SS18L1: variants seen among roughly 807,000 people sequenced by gnomAD.
SS18L1 encodes the protein calcium-responsive transactivator.
SS18L1 carries 32 observed loss-of-function variants against 70.3 expected under a neutral mutation model. That is an observed-to-expected ratio of 0.46 (90% CI 0.34 to 0.61). SS18L1 has a LOEUF of 0.61. SS18L1 is among the 20% of genes least tolerant of loss of function. The pLI is 0.01. For synonymous variants in SS18L1, 237 were observed against 229.7 expected (o/e 1.03, Z -0.29); for missense variants, 430 against 542.1 (o/e 0.79, Z 2.05).
At chr20:62,176,901 C>G (rs2057628903) in intron 10 of SS18L1, among the ~76,000 whole-genome samples, 3 of 152,242 alleles carry the variant, frequency 2.0e-5, no homozygotes, top group Admixed American at 1.3e-4. Flanking sequence ...AGCCTTTAGT[C>G]AGCATCCAGT....
chr20:62,167,979 CTTTTTTTTTTT>C (rs575045754), intron 8 of SS18L1, among the ~76,000 whole-genome samples: 1 of 105,006 alleles, frequency 9.5e-6, no homozygotes, highest in Non-Finnish European at 1.9e-5. Context: ...CCAGGCCTGG[CTTTTTTTTTTT>C]TTTTTTTTTT....
chr20:62,168,333 G>A (rs2057471693), intron 8 of SS18L1, among the ~76,000 whole-genome samples: 1 of 152,186 alleles, frequency 6.6e-6, no homozygotes, highest in African/African-American at 2.4e-5. Flanking sequence ...TACAGCAGGT[G>A]GTACTGTGAA....
In SS18L1 at chr20:62,158,763, T is replaced by C; in HGVS notation, c.146+15T>C. On this transcript the variant is annotated intron_variant, in intron 2 of 10. Transcript: ENST00000331758. This position sits in a 1 kb window ranked among gnomAD's most constrained non-coding sequence, Gnocchi z 4.5. Reference sequence around the variant, plus strand: ...GAGTGCACGCAGTGAGTGCCCGCCATACACCGGAACACTTGGAGGGTGTCA... The same window carrying C: ...GAGTGCACGCAGTGAGTGCCCGCCACACACCGGAACACTTGGAGGGTGTCA... 1.9e-6 allele frequency: 3 copies of C among 1,613,002 alleles called. No homozygotes were observed. Among genetic ancestry groups the C allele is most frequent in the Non-Finnish European group, 2.5e-6 (3 of 1,180,002 alleles).
At chr20:62,154,605 G>A (rs894267443) in intron 1 of SS18L1, 5 of 918,282 alleles carry the variant, frequency 5.4e-6, no homozygotes, top group Non-Finnish European at 6.6e-6. Flanking sequence ...CCGTGAGGTC[G>A]TTGCACCCTG....
At chr20:62,170,411 C>A (rs959133389) in intron 8 of SS18L1, among the ~76,000 whole-genome samples, 1 of 152,216 alleles carries the variant, frequency 6.6e-6, no homozygotes, top group Non-Finnish European at 1.5e-5. Context: ...GAGGCCGAGG[C>A]AGGAGAATGG....
chr20:62,172,971 C>T (rs2057559796), intron 9 of SS18L1, among the ~76,000 whole-genome samples, 170 bp downstream of exon 9: 1 of 152,226 alleles, frequency 6.6e-6, no homozygotes, highest in African/African-American at 2.4e-5. Context: ...CCTGCCCCTG[C>T]CACATGTGGG....
intron 1 of SS18L1, among the ~76,000 whole-genome samples, chr20:62,144,558 C>G (rs968339393): frequency 5.9e-5 from 9 of 152,372 alleles, no homozygotes; most frequent in Admixed American, 5.2e-4. Flanking sequence ...CTCGCGGCTA[C>G]GCCGGGTTTC....
intron 1 of SS18L1, among the ~76,000 whole-genome samples, chr20:62,155,133 T>G (rs2057199761): frequency 6.6e-6 from 1 of 152,142 alleles, no homozygotes; most frequent in Non-Finnish European, 1.5e-5. Flanking sequence ...CCGGGTGCAA[T>G]GGCTCATGCC....
chr20:62,165,160 C>T (rs1008845041), intron 7 of SS18L1, among the ~76,000 whole-genome samples: 6 of 152,230 alleles, frequency 3.9e-5, no homozygotes, highest in Non-Finnish European at 7.3e-5. Context: ...GGCTGTGTGG[C>T]AGGCACTGAA....
chr20:62,172,597 AGTTACCGTG>A, intron 8 of SS18L1, 76 bp from the exon 9 acceptor site: 1 of 1,596,372 alleles, frequency 6.3e-7, no homozygotes, highest in South Asian at 1.1e-5. Flanking sequence ...GGGATTCCAA[AGTTACCGTG>A]TCGTGAGTGG....
At chr20:62,172,413 A>G (rs1394186547) in intron 8 of SS18L1, among the ~76,000 whole-genome samples, 1 of 152,054 alleles carries the variant, frequency 6.6e-6, no homozygotes, top group African/African-American at 2.4e-5. Context: ...GGACATCAGC[A>G]TCTCTCTGGG....
At chr20:62,154,538 G>C (rs922043919) in intron 1 of SS18L1, 4 of 1,015,800 alleles carry the variant, frequency 3.9e-6, no homozygotes, top group Non-Finnish European at 4.7e-6. Flanking sequence ...GTTGGGACTG[G>C]GTCATCACAC....
intron 1 of SS18L1, among the ~76,000 whole-genome samples, chr20:62,146,630 A>ATTTGTT (rs2057033318): frequency 1.1e-4 from 1 of 8,698 alleles, no homozygotes; most frequent in African/African-American, 3.6e-4. Context: ...TTTTTTTGAG[A>ATTTGTT]TGGAGTTTCG....
chr20:62,164,778 C>T (rs184575876), intron 7 of SS18L1, among the ~76,000 whole-genome samples: 5 of 152,318 alleles, frequency 3.3e-5, no homozygotes, highest in East Asian at 3.9e-4. Context: ...CCTGTCATTC[C>T]GGCACTTTGG....
chr20:62,146,675 T>C (rs369549017), intron 1 of SS18L1, among the ~76,000 whole-genome samples: 3 of 131,230 alleles, frequency 2.3e-5, no homozygotes, highest in Admixed American at 9.8e-5. Context: ...AGTGGCGCGA[T>C]CTCGGGCTCA....
intron 1 of SS18L1, among the ~76,000 whole-genome samples, chr20:62,147,760 G>T (rs1418396162): frequency 2.6e-5 from 4 of 152,048 alleles, no homozygotes; most frequent in Non-Finnish European, 4.4e-5. Flanking sequence ...ACCTTCGTGG[G>T]GTGGGTTAGT....
In SS18L1 at chr20:62,182,183, C is replaced by G. The variant is rs945604343; in HGVS notation, c.*2975C>G. ...TAAGATCTGAAAAGAAACCTTAATA[C>G]GCTCATATGGTTGGAGTGTTAAGTG... On this transcript the variant is annotated 3_prime_UTR_variant, in exon 11 of 11. Transcript: ENST00000331758. The G allele has an allele frequency of 4.5e-6, 1 of 222,694 alleles. No homozygotes were observed. Among genetic ancestry groups the G allele is most frequent in the African/African-American group, 2.2e-5 (1 of 44,620 alleles). 13.8% of individuals were successfully genotyped at this position (222,694 alleles called of 1,614,324 possible).
At chr20:62,146,590 G>A (rs1398195492) in intron 1 of SS18L1, among the ~76,000 whole-genome samples, 1 of 139,054 alleles carries the variant, frequency 7.2e-6, no homozygotes, top group African/African-American at 2.8e-5. Context: ...CATCCAGCGT[G>A]TCTCTGCTTT....
chr20:62,169,434 G>A (rs1482220068), intron 8 of SS18L1, among the ~76,000 whole-genome samples: 1 of 152,214 alleles, frequency 6.6e-6, no homozygotes, highest in African/African-American at 2.4e-5. Context: ...GAGTCCGTCT[G>A]TATGTACCTT....
Sources: allele counts gnomAD v4.1 joint callset (sites outside exome capture counted in the v4.1 genomes callset), GRCh38; gene constraint gnomAD v4.1.1; non-coding constraint Gnocchi (gnomAD v3.1); transcripts MANE v1.5; gene names NCBI Gene and HGNC (gene_info 2026-07-23, HGNC 2026-07-21).